C1GALT1: variants seen among roughly 807,000 people sequenced by gnomAD.
The protein encoded by C1GALT1 is core 1 synthase, glycoprotein-N-acetylgalactosamine 3-beta-galactosyltransferase 1, also known as glycoprotein-N-acetylgalactosamine 3-beta-galactosyltransferase 1.
C1GALT1 carries 11 observed loss-of-function variants against 31.0 expected under a neutral mutation model. That is an observed-to-expected ratio of 0.36 (90% CI 0.22 to 0.59). The LOEUF is 0.59. Ranked by LOEUF, C1GALT1 falls within the 20% of genes least tolerant of loss-of-function variation. The pLI is 0.79. For missense variants in C1GALT1, 424 were observed against 425.2 expected, an observed-to-expected ratio of 1.00 and a Z score of 0.03; for synonymous variants, 175 against 143.6, an observed-to-expected ratio of 1.22 and a Z score of -1.56.
In C1GALT1 at chr7:7,182,729, G is replaced by A. The variant is rs1780637971; in HGVS notation, c.-109G>A. On this transcript the variant is annotated 5_prime_UTR_variant, in exon 1 of 4. Transcript: ENST00000436587. ...CGGCTAGCGGCCACGAGCCACTTCTGCGGCTGCCCAGAGAAGCAAAGGTCA... is the reference window on the plus strand; with the variant it reads ...CGGCTAGCGGCCACGAGCCACTTCTACGGCTGCCCAGAGAAGCAAAGGTCA... The A allele has an allele frequency of 3.4e-6, 3 of 893,476 alleles. No homozygotes were observed. Among genetic ancestry groups the A allele is most frequent in the African/African-American group, 1.8e-5 (1 of 55,546 alleles). 55.3% of individuals were successfully genotyped at this position (893,476 alleles called of 1,614,324 possible).
chr7:7,204,097 G>GTTTTTTTTTT (rs74853892), intron 1 of C1GALT1, among the ~76,000 whole-genome samples: 6 of 129,632 alleles, frequency 4.6e-5, no homozygotes, highest in African/African-American at 1.2e-4. Flanking sequence ...CTCCTCTTCT[G>GTTTTTTTTTT]TTTTTTTTTT....
intron 1 of C1GALT1, among the ~76,000 whole-genome samples, chr7:7,184,661 A>G (rs927191798): frequency 6.6e-6 from 1 of 152,218 alleles, no homozygotes; most frequent in Non-Finnish European, 1.5e-5. Flanking sequence ...TTGTGTGGTA[A>G]AATCATTGAT....
At chr7:7,210,858 G>A (rs1002868570) in intron 1 of C1GALT1, among the ~76,000 whole-genome samples, 15 of 152,322 alleles carry the variant, frequency 9.8e-5, no homozygotes, top group East Asian at 3.9e-4. Context: ...TTTAACAGCC[G>A]TGGCTTTACA....
At chr7:7,167,133 C>T (rs1001815201) in intron 2 of C1GALT1, among the ~76,000 whole-genome samples, 5 of 152,194 alleles carry the variant, frequency 3.3e-5, no homozygotes, top group African/African-American at 1.2e-4. Flanking sequence ...ACCAGTGGTT[C>T]AGCTGCATAT....
At chr7:7,160,236 T>C (rs1780319719) in intron 2 of C1GALT1, among the ~76,000 whole-genome samples, 1 of 152,142 alleles carries the variant, frequency 6.6e-6, no homozygotes. Flanking sequence ...ATTCTTTCTA[T>C]TCCATTTCTG....
intron 1 of C1GALT1, 83 bp from the exon 2 acceptor site, chr7:7,234,219 AT>A: frequency 1.0e-6 from 1 of 963,580 alleles, no homozygotes; most frequent in Non-Finnish European, 1.6e-6. Flanking sequence ...ACTTTCCGTT[AT>A]AGCTAAATGT....
chr7:7,238,909 A>C lies in C1GALT1; in HGVS notation c.875A>C (p.Tyr292Ser). 1 of 1,610,984 alleles carries C rather than the reference A, an allele frequency of 6.2e-7. No homozygotes were observed. The highest frequency in any genetic ancestry group is 8.5e-7 in the Non-Finnish European group (1 of 1,178,480). The change falls in exon 3 of 4, where the codon TAT (tyrosine) becomes TCT (serine). Residue 292 changes from tyrosine (Y) to serine (S), a missense_variant. Tyr to Ser is a moderately radical substitution (Grantham distance 144). Around this residue, in one of 3 missense-constraint regions of C1GALT1, gnomAD observed 191 missense variants for 188.8 expected, o/e 1.01. Transcript: ENST00000436587. This position sits in a 1 kb window ranked among gnomAD's most constrained non-coding sequence, Gnocchi z 5.2. ...RTFWYWNYNY[Y>S]PPVEGPGCCS... ...TTTTGGTACTGGAATTACAACTATTATCCTCCTGTAGAGGTAAGTTTAGAA... is the reference window on the plus strand; with the variant it reads ...TTTTGGTACTGGAATTACAACTATTCTCCTCCTGTAGAGGTAAGTTTAGAA...
chr7:7,196,400 G>C (rs983600251), intron 1 of C1GALT1, among the ~76,000 whole-genome samples: 2 of 151,998 alleles, frequency 1.3e-5, no homozygotes, highest in Non-Finnish European at 2.9e-5. Context: ...AACTCATCCT[G>C]TTTTATGGCT....
At chr7:7,204,329 C>T (rs1352113590) in intron 1 of C1GALT1, among the ~76,000 whole-genome samples, 2 of 151,946 alleles carry the variant, frequency 1.3e-5, no homozygotes, top group East Asian at 1.9e-4. Context: ...AGTTTTTCCT[C>T]ATCTAGGTTA....
intron 3 of C1GALT1, among the ~76,000 whole-genome samples, chr7:7,241,324 C>T (rs1783618310): frequency 6.6e-6 from 1 of 151,934 alleles, no homozygotes; most frequent in South Asian, 2.1e-4. Context: ...ACACTGTAAC[C>T]TTACTTATAG....
intron 2 of C1GALT1, among the ~76,000 whole-genome samples, chr7:7,174,806 A>G (rs1294179180): frequency 6.6e-6 from 1 of 151,656 alleles, no homozygotes; most frequent in East Asian, 1.9e-4. Flanking sequence ...CATAACTACT[A>G]TCTCTTTGTT....
chr7:7,210,380 G>C, intron 1 of C1GALT1: 1 of 145,922 alleles, frequency 6.9e-6, no homozygotes, highest in Admixed American at 6.9e-5. Flanking sequence ...AGCTTCAAAT[G>C]ATGAGACCAT....
intron 2 of C1GALT1, among the ~76,000 whole-genome samples, chr7:7,164,792 C>G (rs539972558): frequency 6.6e-6 from 1 of 152,166 alleles, no homozygotes; most frequent in Admixed American, 6.5e-5. Context: ...TGAGGCAGTT[C>G]CCTGAGAGGG....
rs1384235123 is a variant in C1GALT1 at position 7,234,518 on chromosome 7, G to A, written c.199G>A (p.Ala67Thr). Reference protein sequence around the residue: ...NHLEGQMNFNADSSQHKDENT... With the variant: ...NHLEGQMNFNTDSSQHKDENT... Reference sequence around the variant, plus strand: ...TCTAGAAGGACAAATGAACTTCAATGCAGATTCTAGCCAACATAAAGGTAT... The same window carrying A: ...TCTAGAAGGACAAATGAACTTCAATACAGATTCTAGCCAACATAAAGGTAT... Residue 67 changes from alanine to threonine, a missense_variant, in exon 2 of 4, where the codon GCA (alanine) becomes ACA (threonine). Physicochemically the swap from Ala to Thr is moderately conservative, Grantham distance 58 (BLOSUM62 0). Coordinates refer to ENST00000436587, the MANE Select transcript of C1GALT1 (RefSeq NM_020156.5). 4 of 1,610,166 alleles carry A rather than the reference G, an allele frequency of 2.5e-6. No homozygotes were observed. The highest frequency in any genetic ancestry group is 3.4e-6 in the Non-Finnish European group (4 of 1,176,682).
chr7:7,184,959 G>A (rs1477883345), intron 1 of C1GALT1, among the ~76,000 whole-genome samples: 1 of 152,192 alleles, frequency 6.6e-6, no homozygotes, highest in African/African-American at 2.4e-5. Flanking sequence ...CATAAAATGA[G>A]AAGTTAGCCT....
At chr7:7,165,534 G>T (rs1289186540) in intron 2 of C1GALT1, among the ~76,000 whole-genome samples, 1 of 152,128 alleles carries the variant, frequency 6.6e-6, no homozygotes, top group Non-Finnish European at 1.5e-5. Context: ...AAGTGAGAAA[G>T]ATTAAGAGGA....
chr7:7,211,853 A>C (rs1263828155), intron 1 of C1GALT1, among the ~76,000 whole-genome samples: 3 of 152,216 alleles, frequency 2.0e-5, no homozygotes, highest in Non-Finnish European at 2.9e-5. Context: ...CTTGAGTCAC[A>C]GGAATAAGCA....
chr7:7,203,156 A>G (rs1237429617), intron 1 of C1GALT1, among the ~76,000 whole-genome samples: 1 of 149,046 alleles, frequency 6.7e-6, no homozygotes, highest in Non-Finnish European at 1.5e-5. Context: ...TTGTAAGAAG[A>G]TAATTTTACT....
intron 1 of C1GALT1, among the ~76,000 whole-genome samples, chr7:7,195,292 T>C (rs1236646291): frequency 3.3e-5 from 5 of 152,234 alleles, no homozygotes; most frequent in Admixed American, 3.3e-4. Flanking sequence ...TTTCAGACTT[T>C]TTGATGTAGG....
Sources: allele counts gnomAD v4.1 joint callset (sites outside exome capture counted in the v4.1 genomes callset), GRCh38; gene constraint gnomAD v4.1.1; regional missense constraint gnomAD v4.1.1; non-coding constraint Gnocchi (gnomAD v3.1); transcripts MANE v1.5; gene names NCBI Gene and HGNC (gene_info 2026-07-23, HGNC 2026-07-21).